The following TTC13 variants were observed in gnomAD, a reference collection of about 807,000 sequenced individuals.
TTC13 encodes tetratricopeptide repeat domain 13.
In TTC13, 62 loss-of-function variants were observed where a neutral mutation model predicts 120.0. That is an observed-to-expected ratio of 0.52 (90% CI 0.42 to 0.64). The LOEUF is 0.64. Among genes scored for constraint, TTC13 ranks in the 30% least tolerant of loss-of-function variants. The pLI is 0.00. For missense variants in TTC13, 824 were observed against 1,050.2 expected (o/e 0.78, Z 2.98); for synonymous variants, 384 against 393.5 (o/e 0.98, Z 0.28).
chr1:230,921,729 G>A, intron 15 of TTC13, among the ~76,000 whole-genome samples: 1 of 152,196 alleles, frequency 6.6e-6, no homozygotes, highest in Non-Finnish European at 1.5e-5. Context: ...ATCAAACTCA[G>A]TGCCAGATCA....
At chr1:230,949,455 CA>C (rs1329637899) in intron 4 of TTC13, among the ~76,000 whole-genome samples, 1 of 93,180 alleles carries the variant, frequency 1.1e-5, no homozygotes, top group Non-Finnish European at 2.3e-5. Context: ...AATATCCGAA[CA>C]CTGACAACTT....
chr1:230,973,689 G>T (rs1312934751), intron 1 of TTC13, among the ~76,000 whole-genome samples: 1 of 152,208 alleles, frequency 6.6e-6, no homozygotes, highest in Non-Finnish European at 1.5e-5. Context: ...AAATGCATAT[G>T]CTTGAACCAT....
chr1:230,931,221 A>C (rs1673525293), intron 11 of TTC13, 77 bp downstream of exon 11: 8 of 1,505,138 alleles, frequency 5.3e-6, no homozygotes, highest in Non-Finnish European at 7.2e-6. Context: ...TTCATACGAA[A>C]CATAAAAGAG....
At chr1:230,953,511 C>T (rs565473202) in intron 4 of TTC13, among the ~76,000 whole-genome samples, 77 of 152,290 alleles carry the variant, frequency 5.1e-4, no homozygotes, top group African/African-American at 1.7e-3. Context: ...TTTAATAGGA[C>T]ATTTCATTTA....
rs1410639370 is a variant in TTC13 at position 230,961,305 on chromosome 1, T to C, written c.272-2A>G. On this transcript the variant is annotated splice_acceptor_variant, in intron 1 of 22. Coordinates refer to ENST00000366661, the MANE Select transcript of TTC13 (RefSeq NM_024525.5). LOFTEE classifies it high-confidence loss of function. ...CATGGAAGTTCAAAAAGGATGACTC[T>C]GAAAGGCAAGCATTCTTTGTTATTC... 6.2e-7 allele frequency: 1 copy of C among 1,607,836 alleles called. No homozygotes were observed. The highest frequency in any genetic ancestry group is 8.5e-7 in the Non-Finnish European group (1 of 1,174,986).
intron 17 of TTC13, among the ~76,000 whole-genome samples, chr1:230,917,064 G>A (rs908657683): frequency 2.0e-5 from 3 of 152,032 alleles, no homozygotes; most frequent in Non-Finnish European, 1.5e-5. Flanking sequence ...CTTCATGAGG[G>A]GAGAGCTTGT....
At chr1:230,931,188 T>C in intron 11 of TTC13, 110 bp downstream of exon 11, 1 of 1,137,226 alleles carries the variant, frequency 8.8e-7, no homozygotes, top group Non-Finnish European at 1.2e-6. Context: ...ATGAGTCACC[T>C]GGCCTCTTTC....
chr1:230,907,014 G>A lies in TTC13; in HGVS notation c.2474C>T (p.Ser825Leu), dbSNP rs774589619. 1.4e-6 allele frequency: 2 copies of A among 1,476,996 alleles called. No homozygotes were observed. Among genetic ancestry groups the A allele is most frequent in the Non-Finnish European group, 1.8e-6 (2 of 1,108,212 alleles). 91.5% of individuals were successfully genotyped at this position (1,476,996 alleles called of 1,614,324 possible). A position where few individuals can be genotyped will look rare whatever the true frequency, so the allele number is the denominator to read the frequency against. Residue 825 changes from serine to leucine, a missense_variant, in exon 23 of 23, where the codon TCA (serine) becomes TTA (leucine). By Grantham distance (145) the Ser-to-Leu change is moderately radical. Transcript: ENST00000366661. ...AKSWMNLKSI[S>L]PSYKTLPSVS... ...TGATGGAAGAGTCTTATAAGAAGGT[G>A]AAATACTGAAAAAGAAAAACACAAA...
At chr1:230,931,162 C>G in intron 11 of TTC13, 136 bp downstream of exon 11, 1 of 749,164 alleles carries the variant, frequency 1.3e-6, no homozygotes. Context: ...CTAGCACTGA[C>G]AAGGTGTGGC....
At chr1:230,918,821 T>C (rs181943572) in intron 17 of TTC13, among the ~76,000 whole-genome samples, 5 of 152,310 alleles carry the variant, frequency 3.3e-5, no homozygotes, top group South Asian at 4.1e-4. Context: ...TCCTTAGAAA[T>C]AGATACACTT....
rs16853175 is a variant in TTC13 at position 230,919,065 on chromosome 1, T to C, written c.1983+1445A>G. Among the ~76,000 whole-genome samples the C allele has an allele frequency of 7.4e-3, 1,129 of 152,310 alleles. 11 individuals carry two copies. Among genetic ancestry groups the C allele is most frequent in the African/African-American group, 0.026 (1,060 of 41,564 alleles). ...ATCAAATAATTTCTGTCCCTTTTAG[T>C]GTCCTTCCCATTGAATTCAAATGTT... is the stretch of plus-strand genomic sequence containing the variant. On this transcript the variant is annotated intron_variant, in intron 17 of 22. Transcript: ENST00000366661.
At chr1:230,965,522 G>C (rs1677045346) in intron 1 of TTC13, among the ~76,000 whole-genome samples, 1 of 152,212 alleles carries the variant, frequency 6.6e-6, no homozygotes, top group Admixed American at 6.5e-5. Context: ...ACTGCAGTGG[G>C]AATGTAAATT....
intron 3 of TTC13, 129 bp from the exon 4 acceptor site, chr1:230,954,532 A>G (rs1396668662): frequency 1.6e-6 from 1 of 634,554 alleles, no homozygotes; most frequent in African/African-American, 1.9e-5. Flanking sequence ...AAAACCTAGA[A>G]GTTAATAAGG....
At chr1:230,909,648 T>C (rs968265066) in intron 20 of TTC13, among the ~76,000 whole-genome samples, 3 of 152,222 alleles carry the variant, frequency 2.0e-5, no homozygotes, top group Non-Finnish European at 4.4e-5. Flanking sequence ...ATACATATGT[T>C]AGTCTTACTT....
intron 1 of TTC13, 44 bp from the exon 2 acceptor site, chr1:230,961,347 T>C: frequency 2.9e-6 from 4 of 1,357,596 alleles, no homozygotes; most frequent in East Asian, 2.3e-5. Context: ...CCTTAATTTA[T>C]GCTCTTAGGT....
rs1674358332 is a variant in TTC13, at chr1:230,939,491, A to G, written c.795T>C (p.Tyr265=). 1 of 1,603,826 alleles carries G rather than the reference A, an allele frequency of 6.2e-7. No individual in the cohort carries two copies. The highest frequency in any genetic ancestry group is 8.5e-7 in the Non-Finnish European group (1 of 1,172,044). ...GCTGAAAGTCTTCATGGGCTGTTGC[A>G]TAGTCCTACAAAAAGGAGAGTGGGG... ...RGTLYFISED[Y]ATAHEDFQQS... The change falls in exon 8 of 23, where the codon TAT becomes TAC. Residue 265 remains tyrosine, a synonymous_variant. Coordinates refer to ENST00000366661, the MANE Select transcript of TTC13 (RefSeq NM_024525.5).
In TTC13 at chr1:230,929,042, T is replaced by C. The variant is rs1193351535; in HGVS notation, c.1352A>G (p.Asn451Ser). 5 of 1,614,186 alleles carry C rather than the reference T, an allele frequency of 3.1e-6. No homozygotes were observed. In the Middle Eastern group the frequency reaches 4.9e-4, roughly 160 times the overall value. Residue 451 changes from asparagine (N) to serine (S), a missense_variant, in exon 12 of 23, where the codon AAC becomes AGC. Physicochemically the swap from Asn to Ser is conservative, Grantham distance 46. Around this residue, in one of 4 missense-constraint regions of TTC13, gnomAD observed 430 missense variants for 626.8 expected, o/e 0.69. Coordinates refer to ENST00000366661, the MANE Select transcript of TTC13 (RefSeq NM_024525.5). Reference protein sequence around the residue: ...AHLDTPLTEYNIDVDLPGSFK... With the variant: ...AHLDTPLTEYSIDVDLPGSFK... ...GCTTCCAGGCAGATCCACATCAATGTTATATTCCGTAAGGGGGGTATCAAG... is the reference window on the plus strand; with the variant it reads ...GCTTCCAGGCAGATCCACATCAATGCTATATTCCGTAAGGGGGGTATCAAG...
intron 19 of TTC13, among the ~76,000 whole-genome samples, 159 bp downstream of exon 19, chr1:230,912,464 T>C (rs1467217748): frequency 3.3e-5 from 5 of 152,134 alleles, no homozygotes; most frequent in African/African-American, 4.8e-5. Context: ...AGTTACTAAA[T>C]ACAAGAATTT....
At chr1:230,964,949 C>G (rs1676989909) in intron 1 of TTC13, among the ~76,000 whole-genome samples, 1 of 152,124 alleles carries the variant, frequency 6.6e-6, no homozygotes, top group African/African-American at 2.4e-5. Flanking sequence ...AACTAGACTC[C>G]TATCCCTCAC....
Sources: allele counts gnomAD v4.1 joint callset (sites outside exome capture counted in the v4.1 genomes callset), GRCh38; gene constraint gnomAD v4.1.1; regional missense constraint gnomAD v4.1.1; transcripts MANE v1.5; gene names NCBI Gene and HGNC (gene_info 2026-07-23, HGNC 2026-07-21).